Variants in MYO6 observed in about 807,000 individuals in gnomAD.
The protein encoded by MYO6 is myosin VI, also known as unconventional myosin-VI.
In MYO6, 74 loss-of-function variants were observed where a neutral mutation model predicts 178.7. The ratio of observed to expected loss-of-function variants is 0.41; its 90% CI spans 0.34 to 0.50. MYO6 has a LOEUF of 0.50. Ranked by LOEUF, MYO6 falls within the 20% of genes least tolerant of loss-of-function variation. The probability of loss-of-function intolerance (pLI) is 0.09; values close to 1 mark genes in which losing one functional copy is unlikely to be tolerated. For missense variants in MYO6, 1,330 were observed against 1,547.4 expected (o/e 0.86, Z 2.36); for synonymous variants, 477 against 504.6 (o/e 0.95, Z 0.73).
intron 1 of MYO6, among the ~76,000 whole-genome samples, chr6:75,770,933 C>T (rs1023885950): frequency 2.6e-5 from 4 of 151,218 alleles, no homozygotes; most frequent in African/African-American, 9.7e-5. Context: ...ATGTTGTTGA[C>T]GAGGATAGTA....
At chr6:75,857,933 GTCT>G (rs1213708262) in intron 13 of MYO6, among the ~76,000 whole-genome samples, 8 of 152,162 alleles carry the variant, frequency 5.3e-5, no homozygotes, top group African/African-American at 1.9e-4. Flanking sequence ...AAGGAGTAGT[GTCT>G]TCTTTGTGGT....
intron 18 of MYO6, among the ~76,000 whole-genome samples, chr6:75,869,427 C>T (rs948065816): frequency 2.0e-5 from 3 of 152,052 alleles, no homozygotes; most frequent in African/African-American, 4.8e-5. Context: ...TTATTTATTT[C>T]CTTGGATTGT....
intron 10 of MYO6, 79 bp downstream of exon 10, chr6:75,845,056 A>G: frequency 1.7e-6 from 2 of 1,173,984 alleles, no homozygotes; most frequent in African/African-American, 1.5e-5. Context: ...TTTTTATTTT[A>G]GAGCCCAAGT....
At chr6:75,862,095 C>G (rs946769415) in intron 15 of MYO6, among the ~76,000 whole-genome samples, 1 of 152,144 alleles carries the variant, frequency 6.6e-6, no homozygotes, top group African/African-American at 2.4e-5. Flanking sequence ...ATACTGTATT[C>G]AAGCAGTTTA....
intron 1 of MYO6, among the ~76,000 whole-genome samples, chr6:75,780,561 A>G (rs1256400368): frequency 6.6e-6 from 1 of 152,236 alleles, no homozygotes; most frequent in Non-Finnish European, 1.5e-5. Context: ...TTGTGAAGAT[A>G]AACTAATACT....
At chr6:75,898,646 CAGT>C (rs1168324522) in intron 30 of MYO6, among the ~76,000 whole-genome samples, 4 of 152,212 alleles carry the variant, frequency 2.6e-5, no homozygotes, top group Non-Finnish European at 4.4e-5. Flanking sequence ...TTGAATGGGA[CAGT>C]TCCCTTGGCA....
chr6:75,753,507 T>C (rs1777080192), intron 1 of MYO6, among the ~76,000 whole-genome samples: 1 of 150,668 alleles, frequency 6.6e-6, no homozygotes, highest in African/African-American at 2.4e-5. Context: ...GTCTCATTCA[T>C]GCCACATGCA....
chr6:75,899,675 G>A (rs9360954), intron 30 of MYO6, among the ~76,000 whole-genome samples: 59,957 of 150,764 alleles, frequency 0.4, 12,818 homozygotes, highest in Middle Eastern at 0.54. Context: ...ATAAAAATAC[G>A]GGAAGGACTA....
At chr6:75,777,706 G>A (rs1451664915) in intron 1 of MYO6, among the ~76,000 whole-genome samples, 1 of 152,006 alleles carries the variant, frequency 6.6e-6, no homozygotes, top group East Asian at 1.9e-4. Flanking sequence ...CAAAGTGCTA[G>A]AATTACAGGC....
intron 5 of MYO6, 21 bp from the exon 6 acceptor site, chr6:75,832,821 A>G (rs1383737371): frequency 1.4e-6 from 2 of 1,434,324 alleles, no homozygotes; most frequent in Non-Finnish European, 2.0e-6. Flanking sequence ...GCTCATCATT[A>G]ATGTCTTATT....
intron 1 of MYO6, among the ~76,000 whole-genome samples, chr6:75,804,050 T>C (rs1199384403): frequency 6.6e-6 from 1 of 152,196 alleles, no homozygotes; most frequent in Non-Finnish European, 1.5e-5. Context: ...TGTACTGACA[T>C]GCCTGACTAA....
At chr6:75,881,629 C>CTT in intron 22 of MYO6, 60 bp from the exon 23 acceptor site, 1 of 1,522,454 alleles carries the variant, frequency 6.6e-7, no homozygotes, top group Non-Finnish European at 9.1e-7. Context: ...TACATCATGT[C>CTT]TTTATGTGTT....
chr6:75,897,517 G>T (rs1779399539), intron 29 of MYO6, among the ~76,000 whole-genome samples: 1 of 152,112 alleles, frequency 6.6e-6, no homozygotes, highest in South Asian at 2.1e-4. Flanking sequence ...CTTTAGTCAG[G>T]GTCCCAGCTC....
At chr6:75,889,468 C>T (rs9352245) in intron 25 of MYO6, among the ~76,000 whole-genome samples, 19,523 of 152,220 alleles carry the variant, frequency 0.13, 1,336 homozygotes, top group Non-Finnish European at 0.15. Flanking sequence ...AGTGCAGTGG[C>T]ATGATCTCGG....
chr6:75,890,150 C>G lies in MYO6; in HGVS notation c.2752C>G (p.Gln918Glu). Residue 918 changes from glutamine to glutamate, a missense_variant, in exon 26 of 35, where the codon CAG (glutamine) becomes GAG (glutamate). Coordinates refer to ENST00000369977, the MANE Select transcript of MYO6 (RefSeq NM_004999.4). ...CCTCAGTGCATTACAGAAAAAAAAA[C>G]AGCAGGAAGAGGAAGCAGAAAGGCT... ...ELLSALQKKK[Q>E]QEEEAERLRR... 1.2e-6 allele frequency: 2 copies of G among 1,609,496 alleles called. No individual in the cohort carries two copies. The highest frequency in any genetic ancestry group is 1.7e-6 in the Non-Finnish European group (2 of 1,176,926).
intron 3 of MYO6, among the ~76,000 whole-genome samples, chr6:75,827,802 A>C (rs1562215712): frequency 6.6e-6 from 1 of 152,176 alleles, no homozygotes; most frequent in East Asian, 1.9e-4. Context: ...AGATGATTTT[A>C]GTGTTGACTA....
Position 75,914,356 on chromosome 6 carries a change from G to A in MYO6, c.3658+75G>A, listed in dbSNP as rs577702529. On this transcript the variant is annotated intron_variant, in intron 34 of 34. Coordinates refer to ENST00000369977, the MANE Select transcript of MYO6 (RefSeq NM_004999.4). ...AACTCTCTGAATGAAACATTCTAATGTATAATATAATAATTTATTACATTT... is the reference window on the plus strand; with the variant it reads ...AACTCTCTGAATGAAACATTCTAATATATAATATAATAATTTATTACATTT... 1.5e-4 allele frequency: 202 copies of A among 1,376,114 alleles called. No homozygotes were observed. In the African/African-American group the frequency reaches 2.5e-3, roughly 17 times the overall value. 85.2% of individuals were successfully genotyped at this position (1,376,114 alleles called of 1,614,324 possible).
intron 29 of MYO6, among the ~76,000 whole-genome samples, chr6:75,897,910 A>G (rs1031931871): frequency 2.0e-5 from 3 of 152,222 alleles, no homozygotes; most frequent in African/African-American, 7.2e-5. Flanking sequence ...AGCTTTGAAT[A>G]CATCAGATTC....
At chr6:75,801,828 C>T (rs1769489114) in intron 1 of MYO6, among the ~76,000 whole-genome samples, 1 of 151,912 alleles carries the variant, frequency 6.6e-6, no homozygotes, top group Admixed American at 6.6e-5. Flanking sequence ...GTAATCCCAG[C>T]TACTCAGGAG....
Sources: allele counts gnomAD v4.1 joint callset (sites outside exome capture counted in the v4.1 genomes callset), GRCh38; gene constraint gnomAD v4.1.1; transcripts MANE v1.5; gene names NCBI Gene and HGNC (gene_info 2026-07-23, HGNC 2026-07-21).